Variants in MYO3A observed in about 807,000 individuals in gnomAD.
MYO3A encodes myosin-IIIa.
A neutral mutation model predicts 192.7 loss-of-function variants in MYO3A; 180 were observed. The ratio of observed to expected loss-of-function variants is 0.93; its 90% CI spans 0.83 to 1.06. MYO3A has a LOEUF of 1.06. Among genes scored for constraint, MYO3A ranks in the 50% least tolerant of loss-of-function variants. MYO3A has a pLI of 0.00. For synonymous variants in MYO3A, 628 were observed against 645.3 expected (o/e 0.97, Z 0.41); for missense variants, 1,896 against 1,905.0 (o/e 1.00, Z 0.09).
chr10:26,068,671 C>T, intron 11 of MYO3A, 97 bp from the exon 12 acceptor site: 1 of 786,874 alleles, frequency 1.3e-6, no homozygotes, highest in South Asian at 1.5e-5. Context: ...ATCCTTCGTC[C>T]AGATTCCAGA....
chr10:26,199,809 C>G (rs1197810928), intron 32 of MYO3A, among the ~76,000 whole-genome samples: 8 of 152,102 alleles, frequency 5.3e-5, no homozygotes, highest in Non-Finnish European at 1.2e-4. Context: ...AGTGCCATCA[C>G]TTAAGCCTAA....
chr10:26,178,684 T>C (rs1842453931), intron 31 of MYO3A, among the ~76,000 whole-genome samples: 1 of 152,232 alleles, frequency 6.6e-6, no homozygotes, highest in East Asian at 1.9e-4. Flanking sequence ...ATTATTCATC[T>C]GTTTTCAAAA....
chr10:26,088,387 G>T lies in MYO3A; in HGVS notation c.1544G>T (p.Arg515Leu), dbSNP rs200209381. The T allele has an allele frequency of 6.2e-7, 1 of 1,613,672 alleles. No homozygotes were observed. The highest frequency in any genetic ancestry group is 8.5e-7 in the Non-Finnish European group (1 of 1,179,714). Residue 515 changes from arginine to leucine, a missense_variant, in exon 15 of 35, where the codon CGA becomes CTA. Physicochemically the swap from Arg to Leu is moderately radical, Grantham distance 102. Transcript: ENST00000642920. ...TCTGAATATCTCCTGGAAAAATCCC[G>T]AGTTATCCACCAAGCTATGTAAGTT... ...QISEYLLEKS[R>L]VIHQAIGEKN...
At chr10:25,979,419 A>G (rs1839165072) in intron 4 of MYO3A, among the ~76,000 whole-genome samples, 1 of 151,822 alleles carries the variant, frequency 6.6e-6, no homozygotes, top group African/African-American at 2.4e-5. Context: ...TACCAAAAAA[A>G]AAAAAAGAAA....
chr10:26,149,221 G>A (rs181020517), intron 23 of MYO3A, among the ~76,000 whole-genome samples: 7 of 150,426 alleles, frequency 4.7e-5, no homozygotes, highest in African/African-American at 9.8e-5. Flanking sequence ...GTTGTTTTTC[G>A]TTTGTTTGTT....
At chr10:26,083,312 G>C (rs11014951) in intron 14 of MYO3A, among the ~76,000 whole-genome samples, 72,203 of 152,022 alleles carry the variant, frequency 0.47, 17,955 homozygotes, top group Middle Eastern at 0.59. Context: ...GACAGAGTGG[G>C]GTGGCACAGA....
At chr10:26,111,043 A>G (rs1838147057) in intron 17 of MYO3A, among the ~76,000 whole-genome samples, 1 of 150,740 alleles carries the variant, frequency 6.6e-6, no homozygotes, top group African/African-American at 2.4e-5. Flanking sequence ...TTTTTAAAAC[A>G]TTTTTTGTAG....
At chr10:26,016,590 G>A (rs1386260261) in intron 6 of MYO3A, among the ~76,000 whole-genome samples, 1 of 152,160 alleles carries the variant, frequency 6.6e-6, no homozygotes, top group Non-Finnish European at 1.5e-5. Context: ...CTTGAAATGG[G>A]GCTTTAGGAA....
chr10:26,174,176 AAAG>A lies in MYO3A; in HGVS notation c.3917_3919del (p.Lys1306del), dbSNP rs780333561. The A allele has an allele frequency of 5.0e-6, 8 of 1,614,248 alleles. No homozygotes were observed. Among genetic ancestry groups the A allele is most frequent in the Non-Finnish European group, 5.9e-6 (7 of 1,180,044 alleles). On this transcript the variant is annotated inframe_deletion, in exon 30 of 35. Transcript: ENST00000642920. ...AAAATGCAAACAGCATGGAAAAAGA[AAAG>A]AAGACATCTGTAGTTACCCAGCGTG...
intron 2 of MYO3A, among the ~76,000 whole-genome samples, chr10:25,938,494 G>A (rs978434420): frequency 2.0e-5 from 3 of 152,156 alleles, no homozygotes; most frequent in Non-Finnish European, 2.9e-5. Flanking sequence ...TGGCTACTCT[G>A]TGGAGAGAGA....
chr10:25,961,383 GT>G (rs1331243379), intron 4 of MYO3A, among the ~76,000 whole-genome samples: 1 of 152,072 alleles, frequency 6.6e-6, no homozygotes, highest in African/African-American at 2.4e-5. Context: ...TTAGTTAAAT[GT>G]TTTTTGAGAG....
chr10:26,033,573 A>T (rs1435499740), intron 10 of MYO3A, among the ~76,000 whole-genome samples: 2 of 152,226 alleles, frequency 1.3e-5, no homozygotes, highest in Non-Finnish European at 2.9e-5. Context: ...GATGACATCC[A>T]TGTTGTCTCA....
intron 6 of MYO3A, among the ~76,000 whole-genome samples, chr10:26,002,076 T>G (rs1044410196): frequency 1.3e-5 from 2 of 152,220 alleles, no homozygotes; most frequent in Non-Finnish European, 2.9e-5. Context: ...TTATTGAATT[T>G]AACTGAGCTT....
At chr10:25,976,896 A>G (rs896341328) in intron 4 of MYO3A, among the ~76,000 whole-genome samples, 1 of 152,208 alleles carries the variant, frequency 6.6e-6, no homozygotes, top group African/African-American at 2.4e-5. Context: ...AAGGGAAACA[A>G]TATCATTTTT....
intron 9 of MYO3A, 28 bp downstream of exon 9, chr10:26,024,115 CA>C (rs746642650): frequency 6.4e-7 from 1 of 1,567,640 alleles, no homozygotes; most frequent in East Asian, 2.2e-5. Context: ...TTTAAAAAAC[CA>C]AAGATATTCC....
Position 26,154,824 on chromosome 10 carries a change from G to T in MYO3A, c.2793+1G>T. On this transcript the variant is annotated splice_donor_variant, in intron 25 of 34. Transcript: ENST00000642920. LOFTEE classifies it high-confidence loss of function. ...ACAAACGGTTGCATCATATTTTAGA[G>T]TAAGATATTAAACTATGATGTATTG... is the stretch of plus-strand genomic sequence containing the variant. 1 of 1,609,084 alleles carries T rather than the reference G, an allele frequency of 6.2e-7. No homozygotes were observed. Among genetic ancestry groups the T allele is most frequent in the Non-Finnish European group, 8.5e-7 (1 of 1,176,414 alleles).
chr10:26,045,255 G>A (rs1443199580), intron 10 of MYO3A, among the ~76,000 whole-genome samples: 1 of 152,130 alleles, frequency 6.6e-6, no homozygotes, highest in Non-Finnish European at 1.5e-5. Flanking sequence ...TACTTAGGGG[G>A]ACTTTGTAAA....
intron 4 of MYO3A, among the ~76,000 whole-genome samples, chr10:25,993,508 C>G (rs1030656616): frequency 6.6e-6 from 1 of 152,062 alleles, no homozygotes; most frequent in Non-Finnish European, 1.5e-5. Flanking sequence ...GTGTCTCTAT[C>G]TCCTTCAGTT....
chr10:26,190,286 A>G (rs1843065121), intron 31 of MYO3A, among the ~76,000 whole-genome samples: 1 of 152,186 alleles, frequency 6.6e-6, no homozygotes, highest in Admixed American at 6.6e-5. Flanking sequence ...TGTCTGTAGG[A>G]AATGAAGAAG....
Sources: gnomAD v4.1 joint callset for allele counts (sites outside exome capture counted in the v4.1 genomes callset) on GRCh38, gnomAD v4.1.1 for gene constraint, MANE v1.5 for transcripts, NCBI Gene and HGNC (gene_info 2026-07-23, HGNC 2026-07-21) for gene names.